Variants in WDR73 observed in about 807,000 individuals in gnomAD.
WDR73 encodes the protein integrator complex assembly factor WDR73.
WDR73 carries 30 observed loss-of-function variants against 38.2 expected under a neutral mutation model. The observed-to-expected ratio is 0.79, with a 90% CI of 0.59 to 1.06. The LOEUF is 1.06. Ranked by LOEUF, WDR73 falls within the 50% of genes least tolerant of loss-of-function variation. The pLI is 0.00. For missense variants in WDR73, 487 were observed against 467.0 expected, an observed-to-expected ratio of 1.04 and a Z score of -0.40; for synonymous variants, 197 against 176.0, an observed-to-expected ratio of 1.12 and a Z score of -0.94.
intron 3 of WDR73, among the ~76,000 whole-genome samples, chr15:84,649,440 GT>G (rs1250199540): frequency 6.6e-6 from 1 of 151,324 alleles, no homozygotes; most frequent in Non-Finnish European, 1.5e-5. Flanking sequence ...TAGCCTCTGG[GT>G]TTTATGAGTA....
Position 84,639,989 on chromosome 15 carries a change from ACTTT to A in WDR73, c.*3477_*3480del, listed in dbSNP as rs1896210513. 6.6e-6 allele frequency: 1 copy of A among 152,210 alleles called. No homozygotes were observed. The highest frequency in any genetic ancestry group is 2.1e-4 in the South Asian group (1 of 4,836). The allele number at this position is 152,210 out of a possible 1,614,324, so 9.4% of individuals were successfully genotyped here. ...TGGATGCCCTGTTGAGTCTTGGGGC[ACTTT>A]CTAACACCTTTGATGCCTTAGAGGT... is the stretch of plus-strand genomic sequence containing the variant. On this transcript the variant is annotated 3_prime_UTR_variant, in exon 8 of 8. Transcript: ENST00000434634.
rs1285327140 is a variant in WDR73, at chr15:84,643,507, T to C, written c.1100A>G (p.His367Arg). 6.3e-7 allele frequency: 1 copy of C among 1,574,840 alleles called. No individual in the cohort carries two copies. The stretch of plus-strand genomic sequence containing the variant: ...ACAAAGGTCCACCCAGTCCCACACA[T>C]GCAGAGAGGCATCATTTGTTGCTGA... ...LLSATNDASL[H>R]VWDWVDLCAP... The change falls in exon 8 of 8, where the codon CAT becomes CGT. Residue 367 changes from histidine to arginine, a missense_variant. Transcript: ENST00000434634.
intron 5 of WDR73, 176 bp downstream of exon 5, chr15:84,647,714 C>T (rs1896506453): frequency 1.6e-6 from 1 of 642,770 alleles, no homozygotes; most frequent in Non-Finnish European, 2.8e-6. Context: ...ACAAGGTGGT[C>T]TTCAACTCCT....
intron 1 of WDR73, 36 bp from the exon 2 acceptor site, chr15:84,653,735 G>C (rs1213562278): frequency 1.1e-5 from 16 of 1,502,034 alleles, no homozygotes; most frequent in African/African-American, 1.4e-5. Flanking sequence ...ACGATGCACA[G>C]CACTTCACAG....
intron 1 of WDR73, chr15:84,654,024 A>G: frequency 1.5e-6 from 1 of 652,802 alleles, no homozygotes; most frequent in African/African-American, 1.8e-5. Context: ...CGCGGCTCTT[A>G]CTAGTAATCT....
At chr15:84,653,522 A>G (rs1473120552) in intron 2 of WDR73, 110 bp downstream of exon 2, 2 of 731,244 alleles carry the variant, frequency 2.7e-6, no homozygotes, top group Non-Finnish European at 4.8e-6. Context: ...AATTGCTACA[A>G]GTGACTCTCA....
At chr15:84,653,344 A>G (rs1896682467) in intron 2 of WDR73, 2 of 323,924 alleles carry the variant, frequency 6.2e-6, no homozygotes, top group Non-Finnish European at 1.2e-5. Context: ...TAATTTTTGT[A>G]TTTTCAGTAG....
rs568836540 is a variant in WDR73 at position 84,643,174 on chromosome 15, C to T, written c.*296G>A. On this transcript the variant is annotated 3_prime_UTR_variant, in exon 8 of 8. Coordinates refer to ENST00000434634, the MANE Select transcript of WDR73 (RefSeq NM_032856.5). ...TATTTGTTAGCTCTTTTGATTCTCC[C>T]TATGATAGTGTGAAGACAGGGACAA... 14 of 404,882 alleles carry T rather than the reference C, an allele frequency of 3.5e-5. No homozygotes were observed. Among genetic ancestry groups the T allele is most frequent in the African/African-American group, 2.8e-4 (14 of 50,034 alleles). The allele number at this position is 404,882 out of a possible 1,614,324, so 25.1% of individuals were successfully genotyped here.
At chr15:84,644,463 C>T (rs575786408) in intron 7 of WDR73, 3 of 152,082 alleles carry the variant, frequency 2.0e-5, no homozygotes, top group Non-Finnish European at 4.4e-5. Context: ...TCAACCCCCA[C>T]CTGCCTCGAC....
intron 3 of WDR73, among the ~76,000 whole-genome samples, chr15:84,652,015 G>T (rs1288019592): frequency 1.3e-5 from 2 of 152,102 alleles, no homozygotes; most frequent in Non-Finnish European, 2.9e-5. Context: ...TTACAGGTGT[G>T]CGCCACCATG....
chr15:84,652,814 A>G lies in WDR73; in HGVS notation c.110-12T>C, dbSNP rs747418541. On this transcript the variant is annotated splice_polypyrimidine_tract_variant and intron_variant, in intron 2 of 7. Coordinates refer to ENST00000434634, the MANE Select transcript of WDR73 (RefSeq NM_032856.5). ...AGCAACAAAGACTCCTGGAAAAAGA[A>G]GCAGAGGTAGCTGTCACAAATTGTT... is the stretch of plus-strand genomic sequence containing the variant. The G allele has an allele frequency of 6.7e-6, 10 of 1,486,914 alleles. No homozygotes were observed. The South Asian group carries it at 1.3e-4, about 19-fold the overall frequency. The allele number at this position is 1,486,914 out of a possible 1,614,324, so 92.1% of individuals were successfully genotyped here.
At chr15:84,653,749 AAAGAACTCC>A (rs1412249406) in intron 1 of WDR73, 50 bp from the exon 2 acceptor site, 1 of 1,428,350 alleles carries the variant, frequency 7.0e-7, no homozygotes, top group Non-Finnish European at 9.7e-7. Flanking sequence ...TTCACAGCTC[AAAGAACTCC>A]AAGATGGCAG....
chr15:84,645,991 T>C (rs1177198385), intron 6 of WDR73, 155 bp from the exon 7 acceptor site: 1 of 1,543,222 alleles, frequency 6.5e-7, no homozygotes, highest in East Asian at 2.4e-5. Flanking sequence ...GCTCAGCTGG[T>C]TGGGTGCTGG....
intron 7 of WDR73, chr15:84,645,168 CCTTTT>C: frequency 8.1e-7 from 1 of 1,228,492 alleles, no homozygotes; most frequent in South Asian, 1.8e-5. Flanking sequence ...GCCACTGTCC[CCTTTT>C]CTTTCTGACC....
At chr15:84,651,709 G>C (rs546497520) in intron 3 of WDR73, among the ~76,000 whole-genome samples, 2 of 152,040 alleles carry the variant, frequency 1.3e-5, no homozygotes, top group Non-Finnish European at 2.9e-5. Flanking sequence ...CTGTGTTTCC[G>C]ACTAGTTGCT....
chr15:84,646,418 G>A (rs1896465519), intron 5 of WDR73, 70 bp from the exon 6 acceptor site: 2 of 1,542,356 alleles, frequency 1.3e-6, no homozygotes, highest in Middle Eastern at 1.8e-4. Flanking sequence ...GCTGCCAGCT[G>A]TCTTCCCCTG....
chr15:84,647,947 C>G lies in WDR73; in HGVS notation c.295G>C (p.Val99Leu), dbSNP rs749705611. ...LKHVPHTRLL[V>L]TSGLPGCYLQ... ...TAACAACCTGGAAGGCCACTGGTAA[C>G]CAGCAATCTATTCAGAAAAGACAAA... Residue 99 changes from valine (V) to leucine (L), a missense_variant, in exon 5 of 8, where the codon GTT becomes CTT. Transcript: ENST00000434634. 9 of 1,613,988 alleles carry G rather than the reference C, an allele frequency of 5.6e-6. No homozygotes were observed. The East Asian group carries it at 6.7e-5, about 12-fold the overall frequency.
chr15:84,640,423 G>A lies in WDR73; in HGVS notation c.*3047C>T, dbSNP rs1441610131. ...GGTGGCTCACAAAGACCACTTTGAG[G>A]CTCTTGCTCTGCTCTTTAGCCAAGG... is the stretch of plus-strand genomic sequence containing the variant. On this transcript the variant is annotated 3_prime_UTR_variant, in exon 8 of 8. Transcript: ENST00000434634. The A allele has an allele frequency of 6.6e-6, 1 of 152,200 alleles. No individual in the cohort carries two copies. Among genetic ancestry groups the A allele is most frequent in the Non-Finnish European group, 1.5e-5 (1 of 68,050 alleles). The allele number at this position is 152,200 out of a possible 1,614,324, so 9.4% of individuals were successfully genotyped here.
intron 5 of WDR73, chr15:84,647,043 C>G (rs1183803835): frequency 6.6e-6 from 1 of 152,314 alleles, no homozygotes; most frequent in Non-Finnish European, 1.5e-5. Context: ...CAGATGTGCA[C>G]CCTCATGCCC....
Sources: gnomAD v4.1 joint callset for allele counts (sites outside exome capture counted in the v4.1 genomes callset) on GRCh38, gnomAD v4.1.1 for gene constraint, MANE v1.5 for transcripts, NCBI Gene and HGNC (gene_info 2026-07-23, HGNC 2026-07-21) for gene names.